Variants in SCN8A observed in about 807,000 individuals in gnomAD.
SCN8A encodes sodium voltage-gated channel alpha subunit 8.
In SCN8A, 30 loss-of-function variants were observed where a neutral mutation model predicts 184.1. That is an observed-to-expected ratio of 0.16 (90% CI 0.12 to 0.22). The LOEUF (loss-of-function observed/expected upper bound fraction) is 0.22. SCN8A is among the 10% of genes least tolerant of loss of function. The pLI, the probability that SCN8A is intolerant of heterozygous loss-of-function variation, is 1.00. For missense variants in SCN8A, 1,057 were observed against 2,498.9 expected, an observed-to-expected ratio of 0.42 and a Z score of 12.30; for synonymous variants, 852 against 907.0, an observed-to-expected ratio of 0.94 and a Z score of 1.09.
At chr12:51,740,144 C>T (rs1020489906) in intron 12 of SCN8A, among the ~76,000 whole-genome samples, 4 of 152,202 alleles carry the variant, frequency 2.6e-5, no homozygotes, top group South Asian at 2.1e-4. Context: ...CCCTCATTCC[C>T]GTAAACCCAC....
chr12:51,742,525 C>T (rs1490821622), intron 12 of SCN8A, among the ~76,000 whole-genome samples: 1 of 151,608 alleles, frequency 6.6e-6, no homozygotes, highest in East Asian at 1.9e-4. Context: ...ACCACTTTCT[C>T]CTAGCCTGTA....
intron 26 of SCN8A, among the ~76,000 whole-genome samples, chr12:51,800,049 G>C (rs919860476): frequency 2.6e-5 from 4 of 152,204 alleles, no homozygotes; most frequent in African/African-American, 9.7e-5. Context: ...TCTTGTGGAA[G>C]GGAAAAGCGA....
intron 16 of SCN8A, chr12:51,766,309 C>A: frequency 2.1e-6 from 1 of 483,744 alleles, no homozygotes; most frequent in Non-Finnish European, 3.7e-6. Flanking sequence ...AAATATAGGG[C>A]TTGTATTTGA....
intron 8 of SCN8A, among the ~76,000 whole-genome samples, chr12:51,701,680 G>A (rs960133219): frequency 8.6e-5 from 13 of 152,044 alleles, no homozygotes; most frequent in African/African-American, 2.7e-4. Context: ...CCTGAGCCTT[G>A]GTTTTTTTCA....
intron 1 of SCN8A, among the ~76,000 whole-genome samples, chr12:51,656,707 A>G (rs572232451): frequency 1.3e-5 from 2 of 152,252 alleles, no homozygotes; most frequent in African/African-American, 2.4e-5. Flanking sequence ...TCAGACAAAT[A>G]CAAATTTAGA....
chr12:51,644,177 T>G (rs1326498744), intron 1 of SCN8A, among the ~76,000 whole-genome samples: 1 of 152,180 alleles, frequency 6.6e-6, no homozygotes, highest in Non-Finnish European at 1.5e-5. Flanking sequence ...TAGTTAAGTG[T>G]TATGATCTCA....
intron 1 of SCN8A, among the ~76,000 whole-genome samples, chr12:51,646,702 G>T (rs1225454948): frequency 6.6e-6 from 1 of 152,142 alleles, no homozygotes; most frequent in East Asian, 1.9e-4. Context: ...GACTACAAAG[G>T]GTTTTCTGTT....
At chr12:51,629,538 A>G (rs1280974401) in intron 1 of SCN8A, among the ~76,000 whole-genome samples, 1 of 143,822 alleles carries the variant, frequency 7.0e-6, no homozygotes, top group African/African-American at 2.7e-5. Context: ...AACTCTGGTA[A>G]TTTATACTTT....
chr12:51,806,966 T>C lies in SCN8A; in HGVS notation c.5480T>C (p.Ile1827Thr), dbSNP rs1938719619. The C allele has an allele frequency of 6.2e-7, 1 of 1,613,974 alleles. No homozygotes were observed. Among genetic ancestry groups the C allele is most frequent in the East Asian group, 2.2e-5 (1 of 44,880 alleles). Residue 1827 changes from isoleucine to threonine, a missense_variant, in exon 27 of 27, where the codon ATT becomes ACT. Transcript: ENST00000627620. The surrounding 1 kb of genome is among the most constrained non-coding windows in gnomAD (Gnocchi z 8.7). ...HPLRVPKPNT[I>T]ELIAMDLPMV... ...CTCCGAGTGCCCAAGCCCAATACCATTGAGCTCATCGCTATGGATCTGCCA... is the reference window on the plus strand; with the variant it reads ...CTCCGAGTGCCCAAGCCCAATACCACTGAGCTCATCGCTATGGATCTGCCA...
At chr12:51,791,049 A>G (rs776364473) in intron 25 of SCN8A, among the ~76,000 whole-genome samples, 2 of 152,156 alleles carry the variant, frequency 1.3e-5, no homozygotes, top group Non-Finnish European at 2.9e-5. Flanking sequence ...ATTCTGCTCC[A>G]TTGTTCCATT....
intron 12 of SCN8A, among the ~76,000 whole-genome samples, chr12:51,745,648 G>A (rs1413086639): frequency 6.6e-6 from 1 of 152,184 alleles, no homozygotes; most frequent in East Asian, 1.9e-4. Context: ...CAGGTGAGAT[G>A]TTTGGGTCCC....
At chr12:51,712,004 G>A (rs1341898781) in intron 11 of SCN8A, among the ~76,000 whole-genome samples, 1 of 151,910 alleles carries the variant, frequency 6.6e-6, no homozygotes, top group East Asian at 1.9e-4. Context: ...TAACTCACAA[G>A]GAAACACCTT....
At chr12:51,792,513 A>G (rs1489065402) in intron 25 of SCN8A, among the ~76,000 whole-genome samples, 1 of 130,278 alleles carries the variant, frequency 7.7e-6, no homozygotes, top group East Asian at 2.2e-4. Context: ...AAAAAAAAAA[A>G]GATGGAACCA....
At position 51,706,194 on chromosome 12, in the gene SCN8A, C is replaced by G. The variant is rs547570460; in HGVS notation, c.1342-228C>G. 5.9e-5 allele frequency among the ~76,000 whole-genome samples: 9 copies of G among 152,314 alleles called. No homozygotes were observed. In the East Asian group the frequency reaches 1.7e-3, roughly 29 times the overall value. The stretch of plus-strand genomic sequence containing the variant: ...ACCAAGGCAGCAGTCAAGTTCTTGT[C>G]TGAAATGCTCAAGAGAATAACTCCC... On this transcript the variant is annotated intron_variant, in intron 10 of 26. Coordinates refer to ENST00000627620, the MANE Select transcript of SCN8A (RefSeq NM_001330260.2).
chr12:51,657,346 T>C (rs4512905), intron 1 of SCN8A, among the ~76,000 whole-genome samples: 92,649 of 152,026 alleles, frequency 0.61, 32,156 homozygotes, highest in Non-Finnish European at 0.78. Context: ...TTAATCCACT[T>C]TTCAAAATCC....
rs368674479 is a variant in SCN8A at position 51,612,659 on chromosome 12, T to C, written c.-55+21300T>C. On this transcript the variant is annotated intron_variant, in intron 1 of 26. Transcript: ENST00000627620. Reference sequence around the variant, plus strand: ...ATTGGTTTTCAGATAATGAACCTACTTTGCATTTCTGGGGTAAATGCCACT... The same window carrying C: ...ATTGGTTTTCAGATAATGAACCTACCTTGCATTTCTGGGGTAAATGCCACT... Among the ~76,000 whole-genome samples the C allele has an allele frequency of 1.1e-4, 17 of 152,342 alleles. No individual in the cohort carries two copies. The East Asian group carries it at 1.7e-3, about 16-fold the overall frequency.
At chr12:51,734,023 A>G (rs111780675) in intron 12 of SCN8A, among the ~76,000 whole-genome samples, 2 of 148,754 alleles carry the variant, frequency 1.3e-5, no homozygotes, top group African/African-American at 5.0e-5. Context: ...AAGATAAACA[A>G]CCTCTTGTTT....
At chr12:51,599,954 TAGAG>T (rs1241603344) in intron 1 of SCN8A, among the ~76,000 whole-genome samples, 1 of 152,196 alleles carries the variant, frequency 6.6e-6, no homozygotes, top group Admixed American at 6.5e-5. Context: ...AGATTAGAGA[TAGAG>T]AGTCTCCTAT....
At chr12:51,624,064 A>G (rs1373140131) in intron 1 of SCN8A, among the ~76,000 whole-genome samples, 9 of 152,236 alleles carry the variant, frequency 5.9e-5, no homozygotes, top group Non-Finnish European at 8.8e-5. Flanking sequence ...TAGTGCCACA[A>G]TAAACATATG....
Sources: gnomAD v4.1 joint callset for allele counts (sites outside exome capture counted in the v4.1 genomes callset) on GRCh38, gnomAD v4.1.1 for gene constraint, Gnocchi (gnomAD v3.1) non-coding constraint, MANE v1.5 for transcripts, NCBI Gene and HGNC (gene_info 2026-07-23, HGNC 2026-07-21) for gene names.